Variants in ARHGEF10 observed in about 807,000 individuals in gnomAD.
ARHGEF10 encodes the protein Rho guanine nucleotide exchange factor (GEF) 10.
In ARHGEF10, 140 loss-of-function variants were observed where a neutral mutation model predicts 147.4. The ratio of observed to expected loss-of-function variants is 0.95; its 90% CI spans 0.83 to 1.09. The LOEUF is 1.09. ARHGEF10 is among the 50% of genes least tolerant of loss of function. ARHGEF10 has a pLI of 0.00. For missense variants in ARHGEF10, 2,222 were observed against 1,752.7 expected (o/e 1.27, Z -4.78); for synonymous variants, 902 against 695.8 (o/e 1.30, Z -4.67).
intron 1 of ARHGEF10, among the ~76,000 whole-genome samples, chr8:1,831,435 TC>T (rs1803095669): frequency 7.7e-6 from 1 of 129,094 alleles, no homozygotes; most frequent in Non-Finnish European, 1.7e-5. Flanking sequence ...CAGTGTGACA[TC>T]TGTGGAGGGA....
In ARHGEF10 at chr8:1,937,786, A is replaced by T. The variant is rs1225672291; in HGVS notation, c.3222+3844A>T. Among the ~76,000 whole-genome samples, 1 of 152,200 alleles carries T rather than the reference A, an allele frequency of 6.6e-6. No homozygotes were observed. ...TCCCGAATGGCCATATGCTGTCAGA[A>T]CAGTGCCGGCCTGGGAGCTGCATGT... On this transcript the variant is annotated intron_variant, in intron 26 of 28. Coordinates refer to ENST00000349830, the MANE Select transcript of ARHGEF10 (RefSeq NM_014629.4). The surrounding 1 kb of genome is among the most constrained non-coding windows in gnomAD (Gnocchi z 4.9).
chr8:1,942,627 C>T (rs1248484142), intron 26 of ARHGEF10, among the ~76,000 whole-genome samples: 3 of 151,634 alleles, frequency 2.0e-5, no homozygotes, highest in Non-Finnish European at 4.4e-5. Context: ...ACCTGATACT[C>T]ATGCAGACAC....
chr8:1,833,244 A>ACAGAGGCCGAGACAGAGG (rs1422862326), intron 1 of ARHGEF10, among the ~76,000 whole-genome samples: 1 of 150,874 alleles, frequency 6.6e-6, no homozygotes, highest in Admixed American at 6.6e-5. Flanking sequence ...GGAGACAAAG[A>ACAGAGGCCGAGACAGAGG]CAGAGGCCGA....
chr8:1,841,769 C>T (rs927846585), intron 1 of ARHGEF10, among the ~76,000 whole-genome samples: 2 of 151,924 alleles, frequency 1.3e-5, no homozygotes, highest in Non-Finnish European at 2.9e-5. Flanking sequence ...TTGAGCTACT[C>T]GTGTGCCATG....
At chr8:1,923,945 G>T in intron 21 of ARHGEF10, 71 bp downstream of exon 21, 3 of 1,448,334 alleles carry the variant, frequency 2.1e-6, no homozygotes, top group Middle Eastern at 1.8e-4. Context: ...CGAGGGTGAG[G>T]TCAGGGTTGA....
At chr8:1,955,411 G>C in intron 28 of ARHGEF10, among the ~76,000 whole-genome samples, 1 of 150,368 alleles carries the variant, frequency 6.7e-6, no homozygotes. Context: ...CTCTGGATGG[G>C]TAGCTAGGTG....
chr8:1,857,640 A>C (rs1377635484), intron 2 of ARHGEF10, among the ~76,000 whole-genome samples: 4 of 151,798 alleles, frequency 2.6e-5, no homozygotes, highest in Non-Finnish European at 5.9e-5. Flanking sequence ...GGCTGGTCTC[A>C]AGCTTCTTAC....
chr8:1,838,045 TATTC>T (rs1803694401), intron 1 of ARHGEF10, among the ~76,000 whole-genome samples: 1 of 152,208 alleles, frequency 6.6e-6, no homozygotes, highest in Admixed American at 6.5e-5. Flanking sequence ...TCAGGGCGTT[TATTC>T]ATTGTCTCCT....
intron 21 of ARHGEF10, among the ~76,000 whole-genome samples, chr8:1,925,002 G>T (rs1165014879): frequency 6.6e-6 from 1 of 152,216 alleles, no homozygotes; most frequent in African/African-American, 2.4e-5. Context: ...TTTATACAGC[G>T]ACGTTTGGCA....
chr8:1,905,499 A>C (rs1810811152), intron 16 of ARHGEF10, 72 bp from the exon 17 acceptor site: 2 of 1,594,634 alleles, frequency 1.3e-6, no homozygotes, highest in South Asian at 2.2e-5. Context: ...ACTCCATACC[A>C]GACTTCTCCT....
chr8:1,828,360 C>T (rs879367190), intron 1 of ARHGEF10, among the ~76,000 whole-genome samples: 16 of 152,078 alleles, frequency 1.1e-4, no homozygotes, highest in Non-Finnish European at 5.9e-5. Context: ...GCACACTTAA[C>T]GGTTTTAAGG....
rs541645249 is a variant in ARHGEF10, at chr8:1,831,367, C to T, written c.-48+7254C>T. 3.5e-5 allele frequency among the ~76,000 whole-genome samples: 5 copies of T among 143,636 alleles called. No individual in the cohort carries two copies. The South Asian group carries it at 1.1e-3, about 32-fold the overall frequency. The allele number at this position is 143,636 out of a possible 152,430, so 94.2% of individuals were successfully genotyped here. A position where few individuals can be genotyped will look rare whatever the true frequency, so the allele number is the denominator to read the frequency against. ...TGACGGCCATGGAGGGACAGTGTGA[C>T]ATCCATGGAGGGACAGTGGCAGCCG... On this transcript the variant is annotated intron_variant, in intron 1 of 28. Coordinates refer to ENST00000349830, the MANE Select transcript of ARHGEF10 (RefSeq NM_014629.4).
At chr8:1,929,710 G>A (rs1206002010) in intron 25 of ARHGEF10, among the ~76,000 whole-genome samples, 1 of 152,140 alleles carries the variant, frequency 6.6e-6, no homozygotes, top group East Asian at 1.9e-4. Flanking sequence ...TCTCCCCCTC[G>A]GATGGGGGCA....
chr8:1,933,901 G>A lies in ARHGEF10; in HGVS notation c.3181G>A (p.Gly1061Ser). The A allele has an allele frequency of 6.2e-7, 1 of 1,614,170 alleles. No individual in the cohort carries two copies. Among genetic ancestry groups the A allele is most frequent in the Non-Finnish European group, 8.5e-7 (1 of 1,180,030 alleles). ...AGACACGTTGTGGGCGGCTTCCGGA[G>A]GTCAAGTCTTCATCATCAGTGTGGA... The part of the protein sequence containing the change: ...MEDTLWAASG[G>S]QVFIISVETH... Residue 1061 changes from glycine (G) to serine (S), a missense_variant, in exon 26 of 29, where the codon GGT becomes AGT. Transcript: ENST00000349830.
chr8:1,951,258 A>C (rs1815023704), intron 27 of ARHGEF10, among the ~76,000 whole-genome samples: 1 of 152,254 alleles, frequency 6.6e-6, no homozygotes, highest in Admixed American at 6.5e-5. Flanking sequence ...ACTTCGGAGC[A>C]GCTGGGAATC....
chr8:1,826,360 G>C (rs1036753464), intron 1 of ARHGEF10, among the ~76,000 whole-genome samples: 3 of 151,886 alleles, frequency 2.0e-5, no homozygotes, highest in African/African-American at 7.3e-5. Flanking sequence ...GTATGTGTTT[G>C]TGTTTGTATG....
upstream of ARHGEF10, among the ~76,000 whole-genome samples, chr8:1,823,453 G>A (rs920364949): frequency 2.7e-5 from 2 of 73,164 alleles, no homozygotes; most frequent in African/African-American, 5.5e-5. Flanking sequence ...ATGTTCTGGG[G>A]GGGGGAGCGT....
At chr8:1,872,911 T>C (rs952979068) in intron 7 of ARHGEF10, among the ~76,000 whole-genome samples, 1 of 152,226 alleles carries the variant, frequency 6.6e-6, no homozygotes, top group Non-Finnish European at 1.5e-5. Context: ...CAGGTAAATG[T>C]GCCACAAAGA....
rs372466971 is a variant in ARHGEF10, at chr8:1,869,323, A to G, written c.679+73A>G. The G allele has an allele frequency of 2.8e-5, 37 of 1,316,516 alleles. No individual in the cohort carries two copies. In the African/African-American group the frequency reaches 4.2e-4, roughly 15 times the overall value. 81.6% of individuals were successfully genotyped at this position (1,316,516 alleles called of 1,614,324 possible). ...TTTCCCTCTGGATGCCAAAGTGACTATTTAGTGGACGGCCCAGACGTTTTC... is the reference window on the plus strand; with the variant it reads ...TTTCCCTCTGGATGCCAAAGTGACTGTTTAGTGGACGGCCCAGACGTTTTC... On this transcript the variant is annotated intron_variant, in intron 7 of 28. Coordinates refer to ENST00000349830, the MANE Select transcript of ARHGEF10 (RefSeq NM_014629.4).
Sources: gnomAD v4.1 joint callset for allele counts (sites outside exome capture counted in the v4.1 genomes callset) on GRCh38, gnomAD v4.1.1 for gene constraint, Gnocchi (gnomAD v3.1) non-coding constraint, MANE v1.5 for transcripts, NCBI Gene and HGNC (gene_info 2026-07-23, HGNC 2026-07-21) for gene names.